Variants in SLC44A5 observed in about 807,000 individuals in gnomAD.
SLC44A5 encodes the protein solute carrier family 44 member 5, also known as choline transporter-like protein 5.
Under a neutral mutation model 101.8 loss-of-function variants are expected in SLC44A5, and 57 were observed. That is an observed-to-expected ratio of 0.56 (90% confidence interval 0.45 to 0.70). SLC44A5 has a LOEUF of 0.70. Among genes scored for constraint, SLC44A5 ranks in the 30% least tolerant of loss-of-function variants. SLC44A5 has a pLI of 0.00. For synonymous variants in SLC44A5, 281 were observed against 290.9 expected (o/e 0.97, Z 0.35); for missense variants, 737 against 853.1 (o/e 0.86, Z 1.70).
chr1:75,427,218 C>T (rs888499950), intron 2 of SLC44A5, among the ~76,000 whole-genome samples: 6 of 152,204 alleles, frequency 3.9e-5, no homozygotes, highest in Non-Finnish European at 8.8e-5. Context: ...CTCATTATTT[C>T]TCATCATTAA....
intron 1 of SLC44A5, among the ~76,000 whole-genome samples, chr1:75,603,007 G>A (rs1389512272): frequency 1.3e-5 from 2 of 151,808 alleles, no homozygotes; most frequent in Non-Finnish European, 2.9e-5. Context: ...TTTAGATTCA[G>A]GGGGTACATA....
chr1:75,293,016 C>A (rs613403), intron 5 of SLC44A5, among the ~76,000 whole-genome samples: 1 of 152,186 alleles, frequency 6.6e-6, no homozygotes, highest in South Asian at 2.1e-4. Flanking sequence ...CTTTAAAACA[C>A]CACTTTAAGT....
intron 1 of SLC44A5, among the ~76,000 whole-genome samples, chr1:75,568,638 T>G (rs1672911229): frequency 6.6e-6 from 1 of 152,224 alleles, no homozygotes; most frequent in Non-Finnish European, 1.5e-5. Context: ...CAGATTCTTC[T>G]TCCATATTTC....
chr1:75,451,084 T>C (rs2101660106), intron 2 of SLC44A5, among the ~76,000 whole-genome samples: 1 of 152,264 alleles, frequency 6.6e-6, no homozygotes, highest in Non-Finnish European at 1.5e-5. Flanking sequence ...TAGGCACACC[T>C]CTAAGCACTT....
chr1:75,298,217 A>T (rs1237216200), intron 5 of SLC44A5, among the ~76,000 whole-genome samples: 1 of 152,176 alleles, frequency 6.6e-6, no homozygotes, highest in Non-Finnish European at 1.5e-5. Flanking sequence ...TTTTAGTCCA[A>T]CATTAGATAT....
intron 2 of SLC44A5, among the ~76,000 whole-genome samples, chr1:75,475,344 C>T (rs555236894): frequency 1.0e-3 from 155 of 152,290 alleles, no homozygotes; most frequent in African/African-American, 3.6e-3. Context: ...ATAGAAATTT[C>T]AGTAGATGAG....
At chr1:75,460,718 C>A (rs192283915) in intron 2 of SLC44A5, among the ~76,000 whole-genome samples, 2,306 of 152,192 alleles carry the variant, frequency 0.015, 59 homozygotes, top group African/African-American at 0.053. Context: ...AAATATCCCC[C>A]AAATCTCTAC....
intron 3 of SLC44A5, among the ~76,000 whole-genome samples, chr1:75,367,715 A>T (rs560396534): frequency 1.9e-3 from 284 of 152,244 alleles, no homozygotes; most frequent in African/African-American, 6.2e-3. Flanking sequence ...AGGGGGATGG[A>T]GCTGTTTCCA....
At chr1:75,683,534 C>G in the SLC44A5 span, among the ~76,000 whole-genome samples, 1 of 151,978 alleles carries the variant, frequency 6.6e-6, no homozygotes, top group Non-Finnish European at 1.5e-5. Flanking sequence ...CATATTCTCA[C>G]TCATAGGTGG....
chr1:75,305,065 A>G (rs370898674), intron 4 of SLC44A5, among the ~76,000 whole-genome samples: 3 of 152,358 alleles, frequency 2.0e-5, no homozygotes, highest in African/African-American at 7.2e-5. Flanking sequence ...TTTCCAAATT[A>G]AAAGAATAAG....
At chr1:75,296,543 A>T (rs1265015882) in intron 5 of SLC44A5, among the ~76,000 whole-genome samples, 1 of 151,684 alleles carries the variant, frequency 6.6e-6, no homozygotes, top group Non-Finnish European at 1.5e-5. Context: ...CCTGAGGACA[A>T]TTTTTTTTAG....
chr1:75,427,269 C>A (rs751996122), intron 2 of SLC44A5, among the ~76,000 whole-genome samples: 2 of 152,116 alleles, frequency 1.3e-5, no homozygotes, highest in Admixed American at 6.6e-5. Context: ...AATTTTTGGG[C>A]AAATATGTTT....
the SLC44A5 span, among the ~76,000 whole-genome samples, chr1:75,636,009 AC>A: frequency 6.7e-3 from 1,014 of 152,070 alleles, 15 homozygotes; most frequent in Admixed American, 0.036. Context: ...GGTATCCATC[AC>A]CTGAATAACA....
intron 2 of SLC44A5, among the ~76,000 whole-genome samples, chr1:75,407,154 G>T (rs963105572): frequency 6.6e-5 from 10 of 152,056 alleles, no homozygotes; most frequent in African/African-American, 2.4e-4. Flanking sequence ...ACTTACAAAG[G>T]ATGTGAAGGA....
At chr1:75,341,215 G>A (rs1291174147) in intron 3 of SLC44A5, among the ~76,000 whole-genome samples, 1 of 152,184 alleles carries the variant, frequency 6.6e-6, no homozygotes, top group East Asian at 1.9e-4. Context: ...ATAAGCTCGA[G>A]AGGGCCGGAC....
At chr1:75,461,243 T>A (rs1414627713) in intron 2 of SLC44A5, among the ~76,000 whole-genome samples, 1 of 152,180 alleles carries the variant, frequency 6.6e-6, no homozygotes, top group Non-Finnish European at 1.5e-5. Flanking sequence ...ATCGAGCACA[T>A]TACTACTATA....
At position 75,478,529 on chromosome 1, in the gene SLC44A5, T is replaced by A. The variant is rs938645661; in HGVS notation, c.13+62906A>T. Reference sequence around the variant, plus strand: ...CCCATCTCACATGCAGAGACACACATAGGCTCAAAATAAAAGGATGGAGGA... The same window carrying A: ...CCCATCTCACATGCAGAGACACACAAAGGCTCAAAATAAAAGGATGGAGGA... On this transcript the variant is annotated intron_variant, in intron 2 of 23. Coordinates refer to ENST00000370859, the MANE Select transcript of SLC44A5 (RefSeq NM_001130058.2). Among the ~76,000 whole-genome samples, 124 of 151,988 alleles carry A rather than the reference T, an allele frequency of 8.2e-4. 1 individual carries two copies. Among genetic ancestry groups the A allele is most frequent in the Non-Finnish European group, 1.5e-3 (103 of 67,964 alleles).
chr1:75,508,971 T>G (rs959098554), intron 2 of SLC44A5, among the ~76,000 whole-genome samples: 4 of 152,190 alleles, frequency 2.6e-5, no homozygotes, highest in Non-Finnish European at 5.9e-5. Context: ...TTTTCTAGAA[T>G]TAAAAGGAAA....
chr1:75,248,622 T>C (rs777780866), intron 7 of SLC44A5, among the ~76,000 whole-genome samples: 1 of 151,956 alleles, frequency 6.6e-6, no homozygotes, highest in East Asian at 1.9e-4. Flanking sequence ...AAGTTCCAGG[T>C]GAGAAGAAAA....
Sources: gnomAD v4.1 joint callset for allele counts (sites outside exome capture counted in the v4.1 genomes callset) on GRCh38, gnomAD v4.1.1 for gene constraint, MANE v1.5 for transcripts, NCBI Gene and HGNC (gene_info 2026-07-23, HGNC 2026-07-21) for gene names.